The following FANCD2OS variants were observed in gnomAD, a reference collection of about 807,000 sequenced individuals.
FANCD2OS encodes the protein FANCD2 opposite strand.
A neutral mutation model predicts 13.2 loss-of-function variants in FANCD2OS; 11 were observed. The ratio of observed to expected loss-of-function variants is 0.83; its 90% CI spans 0.52 to 1.38. FANCD2OS has a LOEUF of 1.38. FANCD2OS is among the 40% of genes most tolerant of loss of function. The probability of loss-of-function intolerance (pLI) is 0.00; values close to 1 mark genes in which losing one functional copy is unlikely to be tolerated. For synonymous variants in FANCD2OS, 69 were observed against 84.5 expected (o/e 0.82, Z 1.01); for missense variants, 217 against 213.9 (o/e 1.01, Z -0.09).
At chr3:10,089,697 A>C (rs34417922) in intron 2 of FANCD2OS, among the ~76,000 whole-genome samples, 2 of 152,160 alleles carry the variant, frequency 1.3e-5, no homozygotes, top group Admixed American at 1.3e-4. Context: ...CTTGAACCCA[A>C]CCTCAGGTGA....
chr3:10,107,376 C>T (rs1357557213), intron 1 of FANCD2OS, among the ~76,000 whole-genome samples: 4 of 152,012 alleles, frequency 2.6e-5, no homozygotes, highest in Non-Finnish European at 4.4e-5. Context: ...CAAGCTCCGC[C>T]TCCCGGGTTC....
At chr3:10,088,472 T>A in intron 2 of FANCD2OS, 1 of 1,611,040 alleles carries the variant, frequency 6.2e-7, no homozygotes, top group Non-Finnish European at 8.5e-7. Flanking sequence ...ACAATTCCTC[T>A]GTCGGGTGTG....
intron 2 of FANCD2OS, chr3:10,085,745 A>C (rs1347595357): frequency 2.0e-6 from 2 of 1,009,976 alleles, no homozygotes; most frequent in Non-Finnish European, 3.2e-6. Flanking sequence ...GGAGGCCAGG[A>C]TCCTTAAATA....
At chr3:10,098,834 C>G (rs756674236), downstream of FANCD2OS, 1 of 1,614,162 alleles carries the variant, frequency 6.2e-7, no homozygotes, top group South Asian at 1.1e-5. Flanking sequence ...ACAAAACCCA[C>G]CAGAGTCTGG....
chr3:10,099,109 T>C (rs879072293), downstream of FANCD2OS: 6 of 1,510,896 alleles, frequency 4.0e-6, no homozygotes, highest in Non-Finnish European at 5.3e-6. Context: ...GAAACCATTT[T>C]AGAAGGGAGA....
downstream of FANCD2OS, among the ~76,000 whole-genome samples, chr3:10,102,588 G>C (rs938792682): frequency 4.5e-4 from 69 of 152,052 alleles, no homozygotes; most frequent in African/African-American, 1.5e-3. Flanking sequence ...ACTTTGGGAG[G>C]CTGAGGTGGG....
At chr3:10,093,386 C>A in intron 2 of FANCD2OS, 1 of 1,346,940 alleles carries the variant, frequency 7.4e-7, no homozygotes, top group Non-Finnish European at 1.1e-6. Flanking sequence ...TAGAGAGGAC[C>A]TCAGCTGAGA....
chr3:10,091,477 GA>G (rs1018395681), intron 2 of FANCD2OS, among the ~76,000 whole-genome samples: 6 of 142,346 alleles, frequency 4.2e-5, no homozygotes, highest in East Asian at 2.1e-4. Flanking sequence ...GTCTCAAAAA[GA>G]AAAAAAAAAG....
chr3:10,108,410 C>T (rs1195288980), upstream of FANCD2OS, among the ~76,000 whole-genome samples: 4 of 152,198 alleles, frequency 2.6e-5, no homozygotes, highest in African/African-American at 7.2e-5. Context: ...GCCCCCACCT[C>T]ATTGGAATGC....
At chr3:10,081,453 G>A (rs2125060214) in exon 3 of FANCD2OS, 1 of 1,611,408 alleles carries the variant, frequency 6.2e-7, no homozygotes, top group South Asian at 1.1e-5. Flanking sequence ...TTTTTCATGG[G>A]CTTTTTGCTT....
At chr3:10,089,585 C>A (rs1694459947) in intron 2 of FANCD2OS, among the ~76,000 whole-genome samples, 1 of 152,086 alleles carries the variant, frequency 6.6e-6, no homozygotes, top group Non-Finnish European at 1.5e-5. Context: ...TTCTCCTACC[C>A]CAGCCTTTCA....
intron 2 of FANCD2OS, chr3:10,095,014 A>G: frequency 1.6e-6 from 1 of 629,266 alleles, no homozygotes; most frequent in Admixed American, 2.3e-5. Flanking sequence ...AGGGACAGAA[A>G]TGGGAGAGTT....
At chr3:10,088,463 C>A in intron 2 of FANCD2OS, 1 of 1,608,832 alleles carries the variant, frequency 6.2e-7, no homozygotes, top group East Asian at 2.2e-5. Flanking sequence ...CCTTGCCAGA[C>A]AATTCCTCTG....
chr3:10,088,532 G>T, intron 2 of FANCD2OS: 5 of 1,601,662 alleles, frequency 3.1e-6, no homozygotes, highest in Non-Finnish European at 3.4e-6. Flanking sequence ...CCAGCTCCAT[G>T]CTCTGCTCTG....
intron 2 of FANCD2OS, among the ~76,000 whole-genome samples, chr3:10,087,543 A>C (rs1025352776): frequency 6.6e-6 from 1 of 151,780 alleles, no homozygotes; most frequent in South Asian, 2.1e-4. Flanking sequence ...AAAAAAATTT[A>C]TCTGAGACAT....
chr3:10,103,738 C>G (rs928542436), downstream of FANCD2OS, among the ~76,000 whole-genome samples: 4 of 152,126 alleles, frequency 2.6e-5, no homozygotes, highest in African/African-American at 7.2e-5. Flanking sequence ...TTTCTACCCA[C>G]TTTTGTACAC....
At chr3:10,087,102 T>G (rs1575840347) in intron 2 of FANCD2OS, 3 of 1,612,850 alleles carry the variant, frequency 1.9e-6, no homozygotes, top group African/African-American at 2.7e-5. Context: ...AGGATACTAT[T>G]GCATTTGTTT....
intron 2 of FANCD2OS, among the ~76,000 whole-genome samples, chr3:10,086,864 C>T (rs1275202040): frequency 6.6e-6 from 1 of 152,170 alleles, no homozygotes; most frequent in African/African-American, 2.4e-5. Flanking sequence ...TACATATTAG[C>T]GTGGTGCTTG....
chr3:10,096,738 A>G (rs550216312), intron 2 of FANCD2OS, among the ~76,000 whole-genome samples: 46 of 152,316 alleles, frequency 3.0e-4, no homozygotes, highest in African/African-American at 9.6e-4. Context: ...GACCAGTACA[A>G]ACCTCTCTCC....
Sources: allele counts gnomAD v4.1 joint callset (sites outside exome capture counted in the v4.1 genomes callset), GRCh38; gene constraint gnomAD v4.1.1; transcripts MANE v1.5; gene names NCBI Gene and HGNC (gene_info 2026-07-23, HGNC 2026-07-21).